Variants in CTCFL observed in about 807,000 individuals in gnomAD.
CTCFL encodes transcriptional repressor CTCFL.
In CTCFL, 36 loss-of-function variants were observed where a neutral mutation model predicts 67.4. The observed-to-expected ratio is 0.53, with a 90% CI of 0.41 to 0.71. CTCFL has a LOEUF of 0.71. Ranked by LOEUF, CTCFL falls within the 30% of genes least tolerant of loss-of-function variation. The pLI is 0.00. For synonymous variants in CTCFL, 324 were observed against 302.3 expected (o/e 1.07, Z -0.75); for missense variants, 786 against 835.2 (o/e 0.94, Z 0.73).
downstream of CTCFL, chr20:57,496,077 G>A (rs965456507): frequency 1.0e-5 from 4 of 399,386 alleles, no homozygotes; most frequent in Middle Eastern, 6.0e-4. Context: ...ATGTTGAATT[G>A]TAATCCCCAG....
At chr20:57,503,357 C>A in intron 10 of CTCFL, 79 bp downstream of exon 10, 2 of 1,532,774 alleles carry the variant, frequency 1.3e-6, no homozygotes, top group Non-Finnish European at 9.0e-7. Context: ...ATCCCCTGGA[C>A]AGTAACACTC....
At chr20:57,524,870 C>T in intron 1 of CTCFL, 158 bp downstream of exon 1, 1 of 550,452 alleles carries the variant, frequency 1.8e-6, no homozygotes. Flanking sequence ...TTTACCCTGC[C>T]CCCCACGCCC....
At chr20:57,523,578 C>A (rs1244498935) in intron 2 of CTCFL, 85 bp downstream of exon 2, 30 of 1,517,124 alleles carry the variant, frequency 2.0e-5, no homozygotes, top group Non-Finnish European at 2.6e-5. Context: ...CTGCAAAATA[C>A]CTTGTCCAGA....
intron 5 of CTCFL, 102 bp downstream of exon 5, chr20:57,518,656 A>G: frequency 6.3e-7 from 1 of 1,596,022 alleles, no homozygotes; most frequent in Non-Finnish European, 8.6e-7. Flanking sequence ...AATAATAAAA[A>G]GCCTGTTTGT....
In CTCFL at chr20:57,519,385, C is replaced by T; in HGVS notation, c.755-8G>A. ...GGAAGGTTCCTTTTGCTCCTATAGG[C>T]AGGAAATAGTTTATGTATTTGTTAG... On this transcript the variant is annotated splice_region_variant and splice_polypyrimidine_tract_variant and intron_variant, in intron 3 of 10. Coordinates refer to ENST00000243914, the MANE Select transcript of CTCFL (RefSeq NM_001386993.1). 1 of 1,610,546 alleles carries T rather than the reference C, an allele frequency of 6.2e-7. No homozygotes were observed. Among genetic ancestry groups the T allele is most frequent in the Non-Finnish European group, 8.5e-7 (1 of 1,177,378 alleles).
At position 57,498,370 on chromosome 20, in the gene CTCFL, A is replaced by ATT. The variant is rs2067758481; in HGVS notation, c.*178_*179dup. The stretch of plus-strand genomic sequence containing the variant: ...TGTGTCATCCATTGTCATGAACTTA[A>ATT]TTGTTTCAAAGAAAATGCTAAAAAT... On this transcript the variant is annotated 3_prime_UTR_variant, in exon 11 of 11. Coordinates refer to ENST00000243914, the MANE Select transcript of CTCFL (RefSeq NM_001386993.1). 7.2e-7 allele frequency: 1 copy of ATT among 1,391,934 alleles called. No individual in the cohort carries two copies. Among genetic ancestry groups the ATT allele is most frequent in the Admixed American group, 3.1e-5 (1 of 31,902 alleles). 86.2% of individuals were successfully genotyped at this position (1,391,934 alleles called of 1,614,324 possible). A position where few individuals can be genotyped will look rare whatever the true frequency, so the allele number is the denominator to read the frequency against.
chr20:57,499,011 C>CCT (rs2067780408), intron 10 of CTCFL, among the ~76,000 whole-genome samples: 1 of 145,964 alleles, frequency 6.9e-6, no homozygotes, highest in South Asian at 2.1e-4. Flanking sequence ...GTAGCACCCT[C>CCT]CTCTCCAGCT....
At chr20:57,501,953 T>G (rs1252743588) in intron 10 of CTCFL, among the ~76,000 whole-genome samples, 1 of 152,260 alleles carries the variant, frequency 6.6e-6, no homozygotes, top group Non-Finnish European at 1.5e-5. Context: ...CAGTGCCCCC[T>G]GCAGAGGCCT....
At chr20:57,515,908 TAA>T (rs1428966705) in intron 5 of CTCFL, 74 bp from the exon 6 acceptor site, 10 of 1,464,208 alleles carry the variant, frequency 6.8e-6, no homozygotes, top group Non-Finnish European at 8.3e-6. Context: ...ATCAGCATTG[TAA>T]AAGAGATTTA....
At chr20:57,499,139 A>G (rs538052556) in intron 10 of CTCFL, among the ~76,000 whole-genome samples, 1 of 147,486 alleles carries the variant, frequency 6.8e-6, no homozygotes, top group South Asian at 2.2e-4. Context: ...GTGAATGTGG[A>G]TCTTACAGAT....
intron 5 of CTCFL, among the ~76,000 whole-genome samples, chr20:57,518,156 G>C (rs1043890698): frequency 6.6e-6 from 1 of 152,176 alleles, no homozygotes; most frequent in Non-Finnish European, 1.5e-5. Flanking sequence ...CACACAGTGA[G>C]ACCCTGACAA....
chr20:57,513,789 T>C, intron 7 of CTCFL: 3 of 1,262,888 alleles, frequency 2.4e-6, no homozygotes, highest in South Asian at 1.3e-5. Flanking sequence ...AAATTTTTTG[T>C]TCTGCTAACA....
rs769301305 is a variant in CTCFL, at chr20:57,515,626, T to G, written c.1180+88A>C. The G allele has an allele frequency of 2.6e-6, 4 of 1,565,498 alleles. No homozygotes were observed. The East Asian group carries it at 9.0e-5, about 35-fold the overall frequency. Reference sequence around the variant, plus strand: ...AAAAATCCACTTTTACCTTTGAACTTTAATTGTGCCAATAAAAAGTAATTT... The same window carrying G: ...AAAAATCCACTTTTACCTTTGAACTGTAATTGTGCCAATAAAAAGTAATTT... On this transcript the variant is annotated intron_variant, in intron 6 of 10. Coordinates refer to ENST00000243914, the MANE Select transcript of CTCFL (RefSeq NM_001386993.1).
intron 10 of CTCFL, 128 bp downstream of exon 10, chr20:57,503,308 T>C (rs891633428): frequency 5.7e-5 from 64 of 1,113,416 alleles, no homozygotes; most frequent in African/African-American, 9.3e-5. Context: ...CAAGCCACCT[T>C]GCAGGACCGA....
At chr20:57,496,992 A>G (rs1330517646), downstream of CTCFL, among the ~76,000 whole-genome samples, 1 of 146,032 alleles carries the variant, frequency 6.8e-6, no homozygotes, top group Non-Finnish European at 1.5e-5. Flanking sequence ...TGGGTCAGAT[A>G]CTAATGCTAT....
At position 57,523,844 on chromosome 20, in the gene CTCFL, C is replaced by G; in HGVS notation, c.362G>C (p.Trp121Ser). 6.2e-7 allele frequency: 1 copy of G among 1,613,254 alleles called. No individual in the cohort carries two copies. ...VVQQPGPGLLWLEEGPRQSLQ... is the reference protein window; with the variant it reads ...VVQQPGPGLLSLEEGPRQSLQ... ...GCTCTGCCGGGGCCCTTCCTCAAGCCACAGCAACCCAGGGCCAGGCTGTTG... is the reference window on the plus strand; with the variant it reads ...GCTCTGCCGGGGCCCTTCCTCAAGCGACAGCAACCCAGGGCCAGGCTGTTG... Residue 121 changes from tryptophan to serine, a missense_variant, in exon 2 of 11, where the codon TGG becomes TCG. Trp to Ser is a radical substitution (Grantham distance 177). Transcript: ENST00000243914.
chr20:57,524,708 G>C (rs2069726700), intron 1 of CTCFL: 1 of 997,090 alleles, frequency 1.0e-6, no homozygotes, highest in African/African-American at 1.7e-5. Flanking sequence ...GTTCGGGCCC[G>C]AGCAGGCATT....
intron 3 of CTCFL, among the ~76,000 whole-genome samples, chr20:57,521,032 C>T (rs1027837417): frequency 6.6e-6 from 1 of 152,310 alleles, no homozygotes; most frequent in African/African-American, 2.4e-5. Flanking sequence ...ATGAATGGCA[C>T]GACTGCTGGC....
At chr20:57,512,830 G>C in intron 7 of CTCFL, 78 bp from the exon 8 acceptor site, 2 of 1,428,058 alleles carry the variant, frequency 1.4e-6, no homozygotes, top group East Asian at 4.6e-5. Flanking sequence ...TCTAAACCGG[G>C]GTTTCTCAGC....
Sources: gnomAD v4.1 joint callset for allele counts (sites outside exome capture counted in the v4.1 genomes callset) on GRCh38, gnomAD v4.1.1 for gene constraint, MANE v1.5 for transcripts, NCBI Gene and HGNC (gene_info 2026-07-23, HGNC 2026-07-21) for gene names.